The following MPPED1 variants were observed in gnomAD, a reference collection of about 807,000 sequenced individuals.
MPPED1 encodes the protein metallophosphoesterase domain-containing protein 1.
MPPED1 carries 16 observed loss-of-function variants against 36.2 expected under a neutral mutation model. The observed-to-expected ratio is 0.44, with a 90% CI of 0.30 to 0.67. MPPED1 has a LOEUF of 0.67. Among genes scored for constraint, MPPED1 ranks in the 30% least tolerant of loss-of-function variants. The pLI is 0.10. For synonymous variants in MPPED1, 199 were observed against 191.3 expected (o/e 1.04, Z -0.33); for missense variants, 307 against 453.4 (o/e 0.68, Z 2.93).
intron 3 of MPPED1, among the ~76,000 whole-genome samples, chr22:43,458,015 C>T (rs979214487): frequency 1.3e-5 from 2 of 152,064 alleles, no homozygotes; most frequent in Non-Finnish European, 2.9e-5. Flanking sequence ...CATTGTGTTA[C>T]GATTGCCTGG....
intron 4 of MPPED1, among the ~76,000 whole-genome samples, chr22:43,495,716 G>A (rs1295272969): frequency 1.9e-5 from 1 of 53,942 alleles, no homozygotes. Flanking sequence ...GGAGGTGGTG[G>A]TGGTGGAGGT....
chr22:43,456,730 A>G (rs1181938792), intron 3 of MPPED1, among the ~76,000 whole-genome samples: 1 of 152,226 alleles, frequency 6.6e-6, no homozygotes, highest in African/African-American at 2.4e-5. Context: ...TCCTGGCCTC[A>G]AATGATCCAT....
At chr22:43,450,277 C>G (rs1424840054) in intron 3 of MPPED1, among the ~76,000 whole-genome samples, 2 of 152,202 alleles carry the variant, frequency 1.3e-5, no homozygotes, top group African/African-American at 2.4e-5. Context: ...TGGGCAGGCC[C>G]CCTCCCGGTC....
intron 2 of MPPED1, among the ~76,000 whole-genome samples, chr22:43,428,270 G>A (rs970627495): frequency 6.6e-6 from 1 of 152,188 alleles, no homozygotes; most frequent in Non-Finnish European, 1.5e-5. Context: ...CACCACCTCC[G>A]GCAGAGGGGA....
At chr22:43,463,949 C>A (rs191320898) in intron 3 of MPPED1, among the ~76,000 whole-genome samples, 98 of 151,092 alleles carry the variant, frequency 6.5e-4, no homozygotes, top group Admixed American at 6.0e-3. Context: ...TGCTCTGTTG[C>A]CCAGGCTGGG....
chr22:43,500,025 G>A (rs1286432316), intron 5 of MPPED1, among the ~76,000 whole-genome samples: 3 of 97,294 alleles, frequency 3.1e-5, no homozygotes, highest in Admixed American at 9.6e-5. Context: ...GGAGGTGGTG[G>A]TGGTGGTGAG....
intron 4 of MPPED1, among the ~76,000 whole-genome samples, chr22:43,476,586 G>A (rs760927765): frequency 5.9e-5 from 9 of 152,086 alleles, no homozygotes; most frequent in South Asian, 2.1e-4. Context: ...GGCTGGAGGC[G>A]GCAGGCAGAT....
At chr22:43,495,594 A>T (rs1355636894) in intron 4 of MPPED1, among the ~76,000 whole-genome samples, 1 of 38,194 alleles carries the variant, frequency 2.6e-5, no homozygotes, top group Non-Finnish European at 6.5e-5. Context: ...GTGGTGGTGG[A>T]GGTGGTGATG....
intron 4 of MPPED1, among the ~76,000 whole-genome samples, chr22:43,485,401 T>C (rs551222870): frequency 1.3e-5 from 2 of 152,084 alleles, no homozygotes; most frequent in Non-Finnish European, 2.9e-5. Flanking sequence ...TATTCACATA[T>C]GTACATTCAC....
chr22:43,447,891 T>C (rs1396304732), intron 3 of MPPED1, among the ~76,000 whole-genome samples: 3 of 58,348 alleles, frequency 5.1e-5, no homozygotes, highest in African/African-American at 1.6e-4. Context: ...ATATTTTTTT[T>C]TTTTTTAGAC....
At chr22:43,427,688 G>A (rs1929525582) in intron 2 of MPPED1, among the ~76,000 whole-genome samples, 2 of 152,148 alleles carry the variant, frequency 1.3e-5, no homozygotes, top group Non-Finnish European at 2.9e-5. Context: ...TAGGACCTTG[G>A]GCGCTGAGCT....
chr22:43,478,759 C>T (rs1931654032), intron 4 of MPPED1, among the ~76,000 whole-genome samples: 1 of 152,138 alleles, frequency 6.6e-6, no homozygotes, highest in African/African-American at 2.4e-5. Context: ...GGCCATACCC[C>T]CGTCCACCCA....
chr22:43,425,296 G>T (rs1162131723), intron 2 of MPPED1, 87 bp downstream of exon 2: 1 of 1,454,914 alleles, frequency 6.9e-7, no homozygotes, highest in East Asian at 2.5e-5. Context: ...GGTTCTGGGG[G>T]CACTGTAACA....
At chr22:43,501,823 C>G (rs1297407328) in intron 5 of MPPED1, among the ~76,000 whole-genome samples, 2 of 151,902 alleles carry the variant, frequency 1.3e-5, no homozygotes, top group African/African-American at 4.8e-5. Context: ...CCCTCCTTCT[C>G]CCCCTCCTCC....
At chr22:43,476,423 A>G (rs79690734) in intron 4 of MPPED1, among the ~76,000 whole-genome samples, 1 of 152,122 alleles carries the variant, frequency 6.6e-6, no homozygotes, top group Non-Finnish European at 1.5e-5. Context: ...AGGCTGCACT[A>G]TCAGGAAGCA....
intron 5 of MPPED1, 140 bp downstream of exon 5, chr22:43,498,490 C>T (rs559158476): frequency 2.3e-5 from 14 of 602,888 alleles, no homozygotes; most frequent in East Asian, 8.9e-5. Flanking sequence ...GAGGACACGT[C>T]GCCCCATGGT....
intron 4 of MPPED1, among the ~76,000 whole-genome samples, chr22:43,489,816 G>C (rs896990374): frequency 2.0e-5 from 3 of 152,254 alleles, no homozygotes; most frequent in African/African-American, 7.2e-5. Flanking sequence ...GCTGCACCCG[G>C]CCCCTGTCCA....
chr22:43,446,704 A>G (rs776043695), intron 3 of MPPED1, among the ~76,000 whole-genome samples: 2 of 152,212 alleles, frequency 1.3e-5, no homozygotes, highest in Non-Finnish European at 2.9e-5. Flanking sequence ...GTGCTTGGAC[A>G]CATGAAGTAT....
At chr22:43,499,194 G>A (rs771115255) in intron 5 of MPPED1, among the ~76,000 whole-genome samples, 22 of 150,830 alleles carry the variant, frequency 1.5e-4, no homozygotes, top group Middle Eastern at 3.4e-3. Flanking sequence ...GGTGGTGGTG[G>A]TGGTGGGAGG....
Sources: gnomAD v4.1 joint callset for allele counts (sites outside exome capture counted in the v4.1 genomes callset) on GRCh38, gnomAD v4.1.1 for gene constraint, MANE v1.5 for transcripts, NCBI Gene and HGNC (gene_info 2026-07-23, HGNC 2026-07-21) for gene names.